Variants in NSUN6 observed in about 807,000 individuals in gnomAD.
NSUN6 encodes the protein NOP2/Sun RNA methyltransferase 6, also known as tRNA (cytosine(72)-C(5))-methyltransferase NSUN6.
NSUN6 carries 64 observed loss-of-function variants against 58.0 expected under a neutral mutation model. The ratio of observed to expected loss-of-function variants is 1.10; its 90% CI spans 0.90 to 1.36. The LOEUF is 1.36. Among genes scored for constraint, NSUN6 ranks in the 40% most tolerant of loss-of-function variants. The pLI is 0.00. For synonymous variants in NSUN6, 231 were observed against 193.9 expected, an observed-to-expected ratio of 1.19 and a Z score of -1.59; for missense variants, 701 against 550.1, an observed-to-expected ratio of 1.27 and a Z score of -2.74.
intron 7 of NSUN6, among the ~76,000 whole-genome samples, chr10:18,593,402 G>A (rs1433458490): frequency 6.6e-6 from 1 of 152,038 alleles, no homozygotes. Flanking sequence ...AAAAACATAT[G>A]CACACATATG....
At chr10:18,610,248 T>C (rs2058184636) in intron 5 of NSUN6, among the ~76,000 whole-genome samples, 1 of 151,990 alleles carries the variant, frequency 6.6e-6, no homozygotes, top group Admixed American at 6.6e-5. Flanking sequence ...CTCAGGAGGC[T>C]GAGACAGGAG....
Position 18,648,507 on chromosome 10 carries a change from G to C in NSUN6, c.214C>G (p.Leu72Val), listed in dbSNP as rs1366669602. ...ASVQHVKNLL[L>V]DELQKQFNGL... ...CCACAAACCTTCTGAAGTTCATCAA[G>C]TAACAGATTTTTCACATGTTGTACT... The change falls in exon 2 of 11, where the codon CTT becomes GTT. Residue 72 changes from leucine (L) to valine (V), a missense_variant. Coordinates refer to ENST00000377304, the MANE Select transcript of NSUN6 (RefSeq NM_182543.5). 1.2e-6 allele frequency: 2 copies of C among 1,600,152 alleles called. No homozygotes were observed. The highest frequency in any genetic ancestry group is 4.5e-5 in the East Asian group (2 of 44,674).
chr10:18,560,714 G>C (rs1478825095), intron 8 of NSUN6, among the ~76,000 whole-genome samples: 2 of 150,680 alleles, frequency 1.3e-5, no homozygotes, highest in African/African-American at 4.9e-5. Flanking sequence ...ATGCAATGAG[G>C]AATGGAATGG....
intron 6 of NSUN6, among the ~76,000 whole-genome samples, chr10:18,604,169 GA>G (rs1253765161): frequency 1.3e-5 from 2 of 152,016 alleles, no homozygotes; most frequent in Non-Finnish European, 2.9e-5. Context: ...GCGACAGAGT[GA>G]GCCTCCATAT....
chr10:18,570,557 T>G (rs182604618), intron 8 of NSUN6, among the ~76,000 whole-genome samples: 1 of 130,704 alleles, frequency 7.7e-6, no homozygotes, highest in Admixed American at 7.4e-5. Context: ...TCTTTTCCAT[T>G]CTCCATTCCA....
rs2058399747 is a variant in NSUN6, at chr10:18,616,102, G to T, written c.421+82C>A. 9 of 844,174 alleles carry T rather than the reference G, an allele frequency of 1.1e-5. No homozygotes were observed. The South Asian group carries it at 1.4e-4, about 13-fold the overall frequency. The allele number at this position is 844,174 out of a possible 1,614,324, so 52.3% of individuals were successfully genotyped here. On this transcript the variant is annotated intron_variant, in intron 4 of 10. Coordinates refer to ENST00000377304, the MANE Select transcript of NSUN6 (RefSeq NM_182543.5). Reference sequence around the variant, plus strand: ...CAAGAAAAATTTGGAATATATCTTAGTGACAAATCAATAAATTTTCCATTT... The same window carrying T: ...CAAGAAAAATTTGGAATATATCTTATTGACAAATCAATAAATTTTCCATTT...
At chr10:18,653,019 C>A (rs2059735803), upstream of NSUN6, 15 of 984,732 alleles carry the variant, frequency 1.5e-5, no homozygotes, top group Non-Finnish European at 1.8e-5. Flanking sequence ...CCATGAGATT[C>A]TTTCATGGCT....
At chr10:18,562,810 G>C (rs987196295) in intron 8 of NSUN6, among the ~76,000 whole-genome samples, 20 of 149,606 alleles carry the variant, frequency 1.3e-4, no homozygotes, top group Non-Finnish European at 2.2e-4. Context: ...AGAATGGAAT[G>C]AAAGGGAGGA....
At chr10:18,618,040 C>T (rs950969566) in intron 3 of NSUN6, among the ~76,000 whole-genome samples, 1 of 152,194 alleles carries the variant, frequency 6.6e-6, no homozygotes. Context: ...AACTAAGACA[C>T]TCAGCGTCAT....
chr10:18,560,489 G>C (rs1276191445), intron 8 of NSUN6, among the ~76,000 whole-genome samples: 1 of 151,556 alleles, frequency 6.6e-6, no homozygotes, highest in Non-Finnish European at 1.5e-5. Flanking sequence ...GAATGGAATG[G>C]AATGGAGAAA....
chr10:18,642,377 C>G (rs1041346002), intron 3 of NSUN6, 99 bp downstream of exon 3: 103 of 661,306 alleles, frequency 1.6e-4, no homozygotes, highest in Admixed American at 1.2e-3. Flanking sequence ...AAGTTGCTAA[C>G]AATGGAGAAA....
intron 3 of NSUN6, among the ~76,000 whole-genome samples, chr10:18,617,402 G>T (rs1252855805): frequency 6.6e-6 from 1 of 151,836 alleles, no homozygotes; most frequent in Non-Finnish European, 1.5e-5. Flanking sequence ...TGGCCAGGTG[G>T]GTCTCGAACT....
chr10:18,583,143 C>T (rs182891271), intron 8 of NSUN6, among the ~76,000 whole-genome samples: 150 of 152,292 alleles, frequency 9.8e-4, no homozygotes, highest in Non-Finnish European at 2.0e-3. Flanking sequence ...CCTGCCCTAC[C>T]TTGGCTGATC....
chr10:18,633,507 G>A (rs2059110626), intron 3 of NSUN6, among the ~76,000 whole-genome samples: 1 of 152,132 alleles, frequency 6.6e-6, no homozygotes, highest in Admixed American at 6.5e-5. Context: ...TCCCGATGAT[G>A]AGAAATAACC....
chr10:18,587,090 T>G (rs1305957746), intron 7 of NSUN6, among the ~76,000 whole-genome samples: 2 of 152,184 alleles, frequency 1.3e-5, no homozygotes, highest in Non-Finnish European at 2.9e-5. Context: ...AAAATAATCT[T>G]ATAATAACTA....
At chr10:18,650,014 G>A (rs7070695) in intron 1 of NSUN6, among the ~76,000 whole-genome samples, 85,318 of 151,948 alleles carry the variant, frequency 0.56, 24,474 homozygotes, top group East Asian at 0.96. Context: ...CTCTAACTAA[G>A]AAAACTAAAG....
intron 8 of NSUN6, among the ~76,000 whole-genome samples, chr10:18,583,349 C>G (rs1183016751): frequency 6.6e-6 from 1 of 152,148 alleles, no homozygotes; most frequent in Non-Finnish European, 1.5e-5. Flanking sequence ...CCCACCTGCA[C>G]CCAGGTGAAT....
upstream of NSUN6, among the ~76,000 whole-genome samples, chr10:18,656,816 C>CCTT (rs2059782485): frequency 1.2e-5 from 1 of 86,602 alleles, no homozygotes; most frequent in African/African-American, 4.5e-5. Flanking sequence ...AGTTACAATC[C>CCTT]TTTTTTTTTT....
chr10:18,551,784 A>C (rs1042390148), intron 9 of NSUN6, 39 bp downstream of exon 9: 3 of 1,586,408 alleles, frequency 1.9e-6, no homozygotes, highest in Admixed American at 1.7e-5. Flanking sequence ...CAAAGTAGCA[A>C]AAGTTAACTT....
Sources: allele counts gnomAD v4.1 joint callset (sites outside exome capture counted in the v4.1 genomes callset), GRCh38; gene constraint gnomAD v4.1.1; transcripts MANE v1.5; gene names NCBI Gene and HGNC (gene_info 2026-07-23, HGNC 2026-07-21).